SCAF4: variants seen among roughly 807,000 people sequenced by gnomAD.
The protein encoded by SCAF4 is SR-related and CTD-associated factor 4.
In SCAF4, 25 loss-of-function variants were observed where a neutral mutation model predicts 129.8. The ratio of observed to expected loss-of-function variants is 0.19; its 90% CI spans 0.14 to 0.27. SCAF4 has a LOEUF of 0.27. Among genes scored for constraint, SCAF4 ranks in the 10% least tolerant of loss-of-function variants. SCAF4 has a pLI of 1.00. For synonymous variants in SCAF4, 551 were observed against 497.7 expected (o/e 1.11, Z -1.43); for missense variants, 1,246 against 1,457.1 (o/e 0.86, Z 2.36).
intron 1 of SCAF4, among the ~76,000 whole-genome samples, chr21:31,722,432 TACAA>T (rs1420543725): frequency 6.6e-6 from 1 of 152,126 alleles, no homozygotes; most frequent in African/African-American, 2.4e-5. Flanking sequence ...CATAAATATT[TACAA>T]ACAACCAGAA....
chr21:31,711,050 T>C (rs1276834251), intron 1 of SCAF4, among the ~76,000 whole-genome samples: 1 of 152,150 alleles, frequency 6.6e-6, no homozygotes, highest in Non-Finnish European at 1.5e-5. Context: ...GTTCAAGTGA[T>C]CCTCCCATCT....
In SCAF4 at chr21:31,671,483, C is replaced by A. The variant is rs1406519431; in HGVS notation, c.3360G>T (p.Lys1120Asn). Residue 1120 changes from lysine to asparagine, a missense_variant, in exon 20 of 20, where the codon AAG (lysine) becomes AAT (asparagine). Lys to Asn is a moderately conservative substitution (Grantham distance 94). Coordinates refer to ENST00000286835, the MANE Select transcript of SCAF4 (RefSeq NM_020706.2). ...EKGVSEAAVL[K>N]PSEELPAEAT... ...CCTCAGCAGGTAACTCTTCAGAAGG[C>A]TTTAGGACTGCAGCCTCAGACACCC... The A allele has an allele frequency of 6.2e-7, 1 of 1,614,052 alleles. No individual in the cohort carries two copies. The highest frequency in any genetic ancestry group is 1.1e-5 in the South Asian group (1 of 91,092).
intron 19 of SCAF4, 115 bp from the exon 20 acceptor site, chr21:31,672,469 A>C: frequency 1.2e-6 from 1 of 859,666 alleles, no homozygotes; most frequent in Non-Finnish European, 1.8e-6. Flanking sequence ...TTCAAATTTC[A>C]TAGTTTGCCA....
At chr21:31,685,832 T>G in intron 16 of SCAF4, 99 bp from the exon 17 acceptor site, 2 of 1,215,048 alleles carry the variant, frequency 1.6e-6, no homozygotes, top group Non-Finnish European at 2.3e-6. Context: ...AAATAGATGT[T>G]TCTTAATTTG....
intron 1 of SCAF4, among the ~76,000 whole-genome samples, chr21:31,723,804 T>C (rs1252055353): frequency 3.3e-5 from 5 of 152,186 alleles, no homozygotes; most frequent in Non-Finnish European, 7.3e-5. Flanking sequence ...CTCTTCCAAC[T>C]GGGATTATTG....
chr21:31,702,855 A>G (rs901763148), intron 4 of SCAF4, among the ~76,000 whole-genome samples: 6 of 152,162 alleles, frequency 3.9e-5, no homozygotes, highest in Admixed American at 3.9e-4. Flanking sequence ...TTACTCAAGG[A>G]ATCATCTTGG....
chr21:31,671,564 A>C lies in SCAF4; in HGVS notation c.3279T>G (p.Val1093=). 6.2e-7 allele frequency: 1 copy of C among 1,614,160 alleles called. No individual in the cohort carries two copies. Among genetic ancestry groups the C allele is most frequent in the Non-Finnish European group, 8.5e-7 (1 of 1,179,996 alleles). The part of the protein sequence containing the change: ...VTDRAGGNKT[V]EPPISQVGNV... ...TTCCCACTTGGCTAATGGGAGGTTC[A>C]ACGGTTTTGTTACCACCTGCCCTGT... The change falls in exon 20 of 20, where the codon GTT becomes GTG. Residue 1093 remains valine, a synonymous_variant. Coordinates refer to ENST00000286835, the MANE Select transcript of SCAF4 (RefSeq NM_020706.2).
At chr21:31,687,495 A>G (rs2050153393) in intron 16 of SCAF4, among the ~76,000 whole-genome samples, 1 of 152,214 alleles carries the variant, frequency 6.6e-6, no homozygotes, top group Non-Finnish European at 1.5e-5. Context: ...ACCAGAATCT[A>G]GTATTGCTTT....
At chr21:31,699,284 A>ACAAT (rs940139638) in intron 7 of SCAF4, among the ~76,000 whole-genome samples, 2 of 152,204 alleles carry the variant, frequency 1.3e-5, no homozygotes, top group African/African-American at 4.8e-5. Context: ...GACTGAACAG[A>ACAAT]CAATCATAAA....
intron 1 of SCAF4, among the ~76,000 whole-genome samples, chr21:31,728,062 C>T (rs1215687270): frequency 3.9e-5 from 6 of 152,108 alleles, no homozygotes; most frequent in African/African-American, 1.4e-4. Flanking sequence ...TTTACTACTG[C>T]TTCTGATTTG....
chr21:31,698,434 G>A, intron 7 of SCAF4, among the ~76,000 whole-genome samples: 1 of 152,024 alleles, frequency 6.6e-6, no homozygotes, highest in Middle Eastern at 3.2e-3. Flanking sequence ...TAAATTCAAA[G>A]GAATTCTATA....
chr21:31,698,222 T>A (rs1568843456), intron 7 of SCAF4, among the ~76,000 whole-genome samples: 2 of 152,200 alleles, frequency 1.3e-5, no homozygotes, highest in South Asian at 4.1e-4. Flanking sequence ...TTTAGGAAAC[T>A]GAAGATCTAT....
intron 1 of SCAF4, among the ~76,000 whole-genome samples, chr21:31,719,632 G>A (rs531776450): frequency 1.1e-4 from 16 of 152,178 alleles, no homozygotes; most frequent in African/African-American, 3.1e-4. Context: ...AGCCTCCCGA[G>A]TAGCTGGGAT....
chr21:31,672,744 C>G (rs148781786), intron 19 of SCAF4, among the ~76,000 whole-genome samples: 242 of 152,314 alleles, frequency 1.6e-3, no homozygotes, highest in Non-Finnish European at 2.5e-3. Context: ...TTCAAGCTAA[C>G]TAAGCATACT....
chr21:31,674,794 T>G (rs949880992), intron 19 of SCAF4, among the ~76,000 whole-genome samples: 1 of 152,186 alleles, frequency 6.6e-6, no homozygotes, highest in Non-Finnish European at 1.5e-5. Context: ...TATAAATTTT[T>G]AAAAAACCCA....
At chr21:31,696,813 T>G (rs11701923) in intron 7 of SCAF4, 63 bp from the exon 8 acceptor site, 2 of 1,392,348 alleles carry the variant, frequency 1.4e-6, no homozygotes, top group African/African-American at 2.9e-5. Context: ...CAAAAAACTT[T>G]ATGAAAACAA....
intron 19 of SCAF4, among the ~76,000 whole-genome samples, chr21:31,678,659 T>G (rs1296488614): frequency 6.6e-6 from 1 of 152,140 alleles, no homozygotes; most frequent in Non-Finnish European, 1.5e-5. Flanking sequence ...CCTGCTGTGG[T>G]CCTTCAACAA....
At chr21:31,730,857 A>G (rs2051333960) in intron 1 of SCAF4, among the ~76,000 whole-genome samples, 1 of 152,222 alleles carries the variant, frequency 6.6e-6, no homozygotes, top group Non-Finnish European at 1.5e-5. Flanking sequence ...TTTCACATGT[A>G]AATGTCCTCG....
At position 31,694,804 on chromosome 21, in the gene SCAF4, A is replaced by C. The variant is rs1283450360; in HGVS notation, c.1236+9T>G. 1 of 1,613,204 alleles carries C rather than the reference A, an allele frequency of 6.2e-7. No homozygotes were observed. The highest frequency in any genetic ancestry group is 1.3e-5 in the African/African-American group (1 of 74,904). ...AAAAAGATAAAACTATCTGAGAATA[A>C]AGTTTTACCTGCTGATGCGGCTTCT... On this transcript the variant is annotated intron_variant, in intron 10 of 19. Transcript: ENST00000286835.
Sources: allele counts gnomAD v4.1 joint callset (sites outside exome capture counted in the v4.1 genomes callset), GRCh38; gene constraint gnomAD v4.1.1; transcripts MANE v1.5; gene names NCBI Gene and HGNC (gene_info 2026-07-23, HGNC 2026-07-21).